The following TSHZ2 variants were observed in gnomAD, a reference collection of about 807,000 sequenced individuals.
The protein encoded by TSHZ2 is teashirt zinc finger homeobox 2, also known as teashirt homolog 2.
TSHZ2 carries 21 observed loss-of-function variants against 74.4 expected under a neutral mutation model. That is an observed-to-expected ratio of 0.28 (90% confidence interval 0.20 to 0.41). The LOEUF is 0.41. Ranked by LOEUF, TSHZ2 falls within the 10% of genes least tolerant of loss-of-function variation. TSHZ2 has a pLI of 1.00. For synonymous variants in TSHZ2, 540 were observed against 515.3 expected, an observed-to-expected ratio of 1.05 and a Z score of -0.65; for missense variants, 1,244 against 1,293.5, an observed-to-expected ratio of 0.96 and a Z score of 0.59.
chr20:53,445,408 A>G (rs1984510880), intron 2 of TSHZ2, among the ~76,000 whole-genome samples: 1 of 152,198 alleles, frequency 6.6e-6, no homozygotes, highest in Admixed American at 6.5e-5. Context: ...AACTGGAGCC[A>G]TGTTCCGTTC....
chr20:53,349,216 A>G (rs1980551166), intron 2 of TSHZ2, among the ~76,000 whole-genome samples: 1 of 152,258 alleles, frequency 6.6e-6, no homozygotes, highest in Admixed American at 6.5e-5. Context: ...ACTGCATAGT[A>G]ATAGTCCTAC....
intron 1 of TSHZ2, among the ~76,000 whole-genome samples, chr20:53,168,455 G>A (rs565712600): frequency 3.9e-5 from 6 of 152,342 alleles, no homozygotes; most frequent in Admixed American, 2.6e-4. Flanking sequence ...TACCAATCCT[G>A]AAGCTAGAAA....
At chr20:53,284,154 G>T (rs1046192191) in intron 2 of TSHZ2, among the ~76,000 whole-genome samples, 7 of 152,196 alleles carry the variant, frequency 4.6e-5, no homozygotes, top group Non-Finnish European at 8.8e-5. Flanking sequence ...GAAATGTGTA[G>T]CTTGGGCTTG....
In TSHZ2 at chr20:53,490,838, A is replaced by G. The variant is rs1227308673; in HGVS notation, c.*3703A>G. ...AGTGTGTATTCATATATATGTGTAT[A>G]CATATGAATTTCACTGTTATTTTCC... On this transcript the variant is annotated 3_prime_UTR_variant, in exon 3 of 3. Transcript: ENST00000371497. 2 of 152,252 alleles carry G rather than the reference A, an allele frequency of 1.3e-5. No individual in the cohort carries two copies. Among genetic ancestry groups the G allele is most frequent in the African/African-American group, 4.8e-5 (2 of 41,466 alleles). The allele number at this position is 152,252 out of a possible 1,614,324, so 9.4% of individuals were successfully genotyped here. A position where few individuals can be genotyped will look rare whatever the true frequency, so the allele number is the denominator to read the frequency against.
At chr20:53,067,149 A>G (rs919886659) in intron 1 of TSHZ2, among the ~76,000 whole-genome samples, 10 of 152,188 alleles carry the variant, frequency 6.6e-5, no homozygotes, top group African/African-American at 2.2e-4. Context: ...AGTTTGTCTT[A>G]TGGTGATAGG....
intron 2 of TSHZ2, among the ~76,000 whole-genome samples, chr20:53,388,707 A>C (rs1982142065): frequency 6.7e-6 from 1 of 149,770 alleles, no homozygotes; most frequent in South Asian, 2.1e-4. Context: ...CCTCCCAAGT[A>C]GTCGGAATTA....
chr20:53,433,657 A>T (rs912478000), intron 2 of TSHZ2, among the ~76,000 whole-genome samples: 1 of 152,044 alleles, frequency 6.6e-6, no homozygotes, highest in Non-Finnish European at 1.5e-5. Context: ...AGTGAAATGG[A>T]TATTCCGTAG....
At chr20:53,285,990 T>C (rs926844346) in intron 2 of TSHZ2, among the ~76,000 whole-genome samples, 2 of 152,194 alleles carry the variant, frequency 1.3e-5, no homozygotes, top group Non-Finnish European at 2.9e-5. Flanking sequence ...AGAGGTTTTT[T>C]TTTAAATTGC....
intron 2 of TSHZ2, among the ~76,000 whole-genome samples, chr20:53,451,370 G>A (rs2145783386): frequency 6.6e-6 from 1 of 152,240 alleles, no homozygotes; most frequent in East Asian, 1.9e-4. Context: ...CAATATGCTG[G>A]ACTAAAGCAA....
intron 1 of TSHZ2, among the ~76,000 whole-genome samples, chr20:53,215,481 G>C (rs1357802389): frequency 6.6e-6 from 1 of 150,940 alleles, no homozygotes; most frequent in Non-Finnish European, 1.5e-5. Flanking sequence ...AGCTCCTTCA[G>C]CTATGGTCTA....
chr20:53,414,912 T>C (rs1275651124), intron 2 of TSHZ2, among the ~76,000 whole-genome samples: 2 of 152,044 alleles, frequency 1.3e-5, no homozygotes. Context: ...TGCACCTCAT[T>C]CTTTTTTCAG....
intron 1 of TSHZ2, among the ~76,000 whole-genome samples, chr20:53,056,314 C>T (rs1483230044): frequency 6.6e-6 from 1 of 152,114 alleles, no homozygotes; most frequent in Admixed American, 6.6e-5. Context: ...GCAAACTGGA[C>T]CAACTATATA....
chr20:53,391,574 G>A (rs1282589259), intron 2 of TSHZ2, among the ~76,000 whole-genome samples: 1 of 151,850 alleles, frequency 6.6e-6, no homozygotes, highest in Non-Finnish European at 1.5e-5. Context: ...TGGAATTACA[G>A]GCATGAGCCA....
chr20:52,980,468 A>G (rs1024111518), intron 1 of TSHZ2, among the ~76,000 whole-genome samples: 1 of 152,104 alleles, frequency 6.6e-6, no homozygotes, highest in South Asian at 2.1e-4. Flanking sequence ...TTCTGTTAGT[A>G]TAAAAATTAA....
intron 1 of TSHZ2, among the ~76,000 whole-genome samples, chr20:53,106,641 T>C (rs1019709666): frequency 6.6e-6 from 1 of 151,252 alleles, no homozygotes; most frequent in Admixed American, 6.6e-5. Flanking sequence ...CCTGACCTCA[T>C]GATCCGCCGG....
intron 1 of TSHZ2, among the ~76,000 whole-genome samples, chr20:53,143,410 T>A (rs1376245603): frequency 6.6e-6 from 1 of 152,148 alleles, no homozygotes; most frequent in African/African-American, 2.4e-5. Context: ...ATAATTGTAA[T>A]AGGCCGGGCG....
intron 1 of TSHZ2, among the ~76,000 whole-genome samples, chr20:53,005,978 A>G (rs1482626498): frequency 6.6e-6 from 1 of 152,210 alleles, no homozygotes; most frequent in Non-Finnish European, 1.5e-5. Flanking sequence ...GATGGAATGT[A>G]TTTAATAGTT....
chr20:53,101,082 G>A (rs911164990), intron 1 of TSHZ2, among the ~76,000 whole-genome samples: 1 of 152,106 alleles, frequency 6.6e-6, no homozygotes, highest in Non-Finnish European at 1.5e-5. Context: ...ATGGATATCT[G>A]GTTTTTTAAT....
chr20:53,239,206 C>G (rs1355596294), intron 1 of TSHZ2, among the ~76,000 whole-genome samples: 3 of 152,124 alleles, frequency 2.0e-5, no homozygotes, highest in African/African-American at 7.2e-5. Flanking sequence ...CAGACATTAA[C>G]GAATGTCCCC....
Sources: gnomAD v4.1 joint callset for allele counts (sites outside exome capture counted in the v4.1 genomes callset) on GRCh38, gnomAD v4.1.1 for gene constraint, MANE v1.5 for transcripts, NCBI Gene and HGNC (gene_info 2026-07-23, HGNC 2026-07-21) for gene names.